Variants in HS2ST1 observed in about 807,000 individuals in gnomAD.
The protein encoded by HS2ST1 is heparan sulfate 2-O-sulfotransferase 1.
Under a neutral mutation model 42.9 loss-of-function variants are expected in HS2ST1, and 18 were observed. The observed-to-expected ratio is 0.42, with a 90% confidence interval of 0.29 to 0.62. The LOEUF (loss-of-function observed/expected upper bound fraction) is 0.62, where lower values mean the gene tolerates loss of function less well. HS2ST1 is among the 20% of genes least tolerant of loss of function. The pLI is 0.21. For missense variants in HS2ST1, 334 were observed against 433.8 expected (o/e 0.77, Z 2.04); for synonymous variants, 146 against 152.9 (o/e 0.95, Z 0.33).
At chr1:86,987,176 TCTC>T (rs1449943397) in intron 1 of HS2ST1, among the ~76,000 whole-genome samples, 2 of 151,610 alleles carry the variant, frequency 1.3e-5, no homozygotes, top group Non-Finnish European at 2.9e-5. Context: ...TTAAAGTGAT[TCTC>T]CTGCCTCAGC....
chr1:87,045,324 C>T (rs1363215003), intron 1 of HS2ST1: 1 of 1,232,014 alleles, frequency 8.1e-7, no homozygotes, highest in Non-Finnish European at 1.2e-6. Context: ...TTTCTCATTC[C>T]AAATTCTGAC....
chr1:87,051,160 A>G (rs1196658107), intron 1 of HS2ST1, among the ~76,000 whole-genome samples: 1 of 152,118 alleles, frequency 6.6e-6, no homozygotes, highest in East Asian at 1.9e-4. Flanking sequence ...TCAGAGAAAG[A>G]AGTAGCTTTT....
chr1:87,011,029 G>A (rs1164483658), intron 1 of HS2ST1, among the ~76,000 whole-genome samples: 3 of 152,018 alleles, frequency 2.0e-5, no homozygotes, highest in African/African-American at 7.2e-5. Flanking sequence ...CAGGTGATCG[G>A]CCTACCTCAG....
At chr1:86,933,792 C>T (rs1216632144) in intron 1 of HS2ST1, among the ~76,000 whole-genome samples, 1 of 146,664 alleles carries the variant, frequency 6.8e-6, no homozygotes, top group Non-Finnish European at 1.5e-5. Context: ...GGCCTAGAGG[C>T]CTATCTGGCT....
Position 87,109,844 on chromosome 1 carries a change from A to G in HS2ST1, c.*5148A>G, listed in dbSNP as rs568327269. On this transcript the variant is annotated 3_prime_UTR_variant, in exon 7 of 7. Transcript: ENST00000370550. Reference sequence around the variant, plus strand: ...TTGTTGTAAAGGTTGGGCATGATGTATGCAAAGTACTGGCCAGGGTAGACT... The same window carrying G: ...TTGTTGTAAAGGTTGGGCATGATGTGTGCAAAGTACTGGCCAGGGTAGACT... 6.6e-6 allele frequency: 1 copy of G among 152,242 alleles called. No homozygotes were observed. The highest frequency in any genetic ancestry group is 1.9e-4 in the East Asian group (1 of 5,190). The allele number at this position is 152,242 out of a possible 1,614,324, so 9.4% of individuals were successfully genotyped here. A position where few individuals can be genotyped will look rare whatever the true frequency, so the allele number is the denominator to read the frequency against.
chr1:86,960,969 C>T (rs1203458185), intron 1 of HS2ST1, among the ~76,000 whole-genome samples: 1 of 151,628 alleles, frequency 6.6e-6, no homozygotes, highest in Non-Finnish European at 1.5e-5. Context: ...TCTGCCGATA[C>T]ATGTTTGTAG....
At chr1:87,081,371 A>G (rs1283739158) in intron 2 of HS2ST1, among the ~76,000 whole-genome samples, 1 of 152,262 alleles carries the variant, frequency 6.6e-6, no homozygotes, top group African/African-American at 2.4e-5. Context: ...ATCTTCTCTG[A>G]TCACAGTGGA....
At chr1:87,002,565 A>G (rs1649320291) in intron 1 of HS2ST1, among the ~76,000 whole-genome samples, 1 of 151,270 alleles carries the variant, frequency 6.6e-6, no homozygotes, top group Admixed American at 6.6e-5. Flanking sequence ...GCACCACTGT[A>G]CTCAAGCCTA....
chr1:87,061,373 C>T (rs1467266432), intron 1 of HS2ST1, among the ~76,000 whole-genome samples: 3 of 152,022 alleles, frequency 2.0e-5, no homozygotes, highest in South Asian at 2.1e-4. Context: ...AAGGAAACCC[C>T]ATCACCGTTA....
chr1:87,010,434 T>C (rs573341736), intron 1 of HS2ST1, among the ~76,000 whole-genome samples: 44 of 152,342 alleles, frequency 2.9e-4, no homozygotes, highest in African/African-American at 1.1e-3. Context: ...AAACGTATTA[T>C]GTCATTTATA....
chr1:87,099,533 G>T (rs1360539928), intron 5 of HS2ST1, among the ~76,000 whole-genome samples: 2 of 152,154 alleles, frequency 1.3e-5, no homozygotes, highest in Admixed American at 1.3e-4. Context: ...CCTCCCACCA[G>T]GCCCTACCTC....
intron 1 of HS2ST1, among the ~76,000 whole-genome samples, chr1:87,001,577 A>T (rs1300938967): frequency 6.6e-6 from 1 of 152,270 alleles, no homozygotes; most frequent in African/African-American, 2.4e-5. Context: ...ATTACTTTTA[A>T]AAAGACTGTT....
At chr1:86,931,024 A>T (rs1248391489) in intron 1 of HS2ST1, among the ~76,000 whole-genome samples, 1 of 152,004 alleles carries the variant, frequency 6.6e-6, no homozygotes, top group Non-Finnish European at 1.5e-5. Context: ...TTGAAATGAG[A>T]AGTAGTTTTA....
chr1:87,103,053 A>G (rs1652254197), intron 5 of HS2ST1, among the ~76,000 whole-genome samples: 2 of 152,260 alleles, frequency 1.3e-5, no homozygotes. Context: ...CAGTAAACAC[A>G]AATTGTTTAC....
intron 1 of HS2ST1, among the ~76,000 whole-genome samples, chr1:87,059,261 C>A (rs1651056962): frequency 6.6e-6 from 1 of 152,156 alleles, no homozygotes; most frequent in African/African-American, 2.4e-5. Context: ...GCTTGTGCTA[C>A]TACTCAGGCT....
chr1:87,042,233 T>G (rs1650542091), intron 1 of HS2ST1, among the ~76,000 whole-genome samples: 1 of 152,180 alleles, frequency 6.6e-6, no homozygotes, highest in South Asian at 2.1e-4. Flanking sequence ...TAACCCCTTA[T>G]CAGATATGTG....
At chr1:87,015,936 C>T (rs1275377999) in intron 1 of HS2ST1, among the ~76,000 whole-genome samples, 1 of 152,004 alleles carries the variant, frequency 6.6e-6, no homozygotes, top group Non-Finnish European at 1.5e-5. Context: ...CCTGCCTCAG[C>T]CTCCTGGGTA....
At chr1:87,090,673 C>T (rs566809892) in intron 3 of HS2ST1, among the ~76,000 whole-genome samples, 4 of 151,978 alleles carry the variant, frequency 2.6e-5, no homozygotes, top group Non-Finnish European at 5.9e-5. Context: ...CTTTTTAAAT[C>T]TTTCAGTGGC....
At chr1:86,982,002 C>G (rs191882909) in intron 1 of HS2ST1, among the ~76,000 whole-genome samples, 1 of 152,364 alleles carries the variant, frequency 6.6e-6, no homozygotes, top group Admixed American at 6.5e-5. Flanking sequence ...GCTGTGAAAT[C>G]TAGGCAGAGG....
Sources: gnomAD v4.1 joint callset for allele counts (sites outside exome capture counted in the v4.1 genomes callset) on GRCh38, gnomAD v4.1.1 for gene constraint, MANE v1.5 for transcripts, NCBI Gene and HGNC (gene_info 2026-07-23, HGNC 2026-07-21) for gene names.